The following CCDC171 variants were observed in gnomAD, a reference collection of about 807,000 sequenced individuals.
CCDC171 encodes the protein coiled-coil domain containing 171, also known as coiled-coil domain-containing protein 171.
CCDC171 carries 177 observed loss-of-function variants against 168.2 expected under a neutral mutation model. That is an observed-to-expected ratio of 1.05 (90% CI 0.93 to 1.19). The LOEUF (loss-of-function observed/expected upper bound fraction) is 1.19, where lower values mean the gene tolerates loss of function less well. Among genes scored for constraint, CCDC171 ranks in the 50% most tolerant of loss-of-function variants. The probability of loss-of-function intolerance (pLI) is 0.00; values close to 1 mark genes in which losing one functional copy is unlikely to be tolerated. For synonymous variants in CCDC171, 687 were observed against 540.8 expected (o/e 1.27, Z -3.75); for missense variants, 1,991 against 1,539.0 (o/e 1.29, Z -4.91).
chr9:16,008,274 A>C (rs1333595739), intron 3 of CCDC171, among the ~76,000 whole-genome samples: 1 of 152,154 alleles, frequency 6.6e-6, no homozygotes, highest in Admixed American at 6.5e-5. Flanking sequence ...GTAAGAGTTC[A>C]ATTTCAATCT....
In CCDC171 at chr9:15,914,072, G is replaced by A. The variant is rs371685910; in HGVS notation, c.3601-6198G>A. Among the ~76,000 whole-genome samples, 101 of 152,304 alleles carry A rather than the reference G, an allele frequency of 6.6e-4. 1 individual carries two copies. The highest frequency in any genetic ancestry group is 1.2e-3 in the African/African-American group (51 of 41,574). On this transcript the variant is annotated intron_variant, in intron 24 of 25. Transcript: ENST00000380701. The stretch of plus-strand genomic sequence containing the variant: ...CAGCCGGAGCGCTTGTATATGAGGC[G>A]TCTGTCAACCCCTGCTGGGAGTTGT...
intron 21 of CCDC171, among the ~76,000 whole-genome samples, chr9:15,828,116 A>G (rs186559018): frequency 2.6e-5 from 4 of 152,306 alleles, no homozygotes; most frequent in Admixed American, 6.5e-5. Context: ...GGGCAGGGGA[A>G]TCAGTTTGGG....
chr9:15,711,995 T>A (rs987400923), intron 11 of CCDC171, among the ~76,000 whole-genome samples: 3 of 152,182 alleles, frequency 2.0e-5, no homozygotes, highest in Non-Finnish European at 4.4e-5. Flanking sequence ...GCTGTATGGT[T>A]CTAGTCTGAG....
intron 6 of CCDC171, among the ~76,000 whole-genome samples, chr9:15,615,239 C>T (rs2043995399): frequency 6.6e-6 from 1 of 152,118 alleles, no homozygotes; most frequent in East Asian, 1.9e-4. Flanking sequence ...AATTCTAACT[C>T]AATGTAGTCA....
At chr9:15,953,927 G>A (rs1381980035) in intron 25 of CCDC171, among the ~76,000 whole-genome samples, 1 of 151,914 alleles carries the variant, frequency 6.6e-6, no homozygotes, top group African/African-American at 2.4e-5. Context: ...CTAGGGAATT[G>A]TCTGTTTCAT....
At chr9:16,002,444 A>T (rs926225298) in intron 3 of CCDC171, among the ~76,000 whole-genome samples, 8 of 152,078 alleles carry the variant, frequency 5.3e-5, no homozygotes, top group Non-Finnish European at 1.0e-4. Flanking sequence ...AATAGAAAAA[A>T]ACTTACAGAA....
intron 9 of CCDC171, among the ~76,000 whole-genome samples, chr9:15,674,463 T>C (rs1248423083): frequency 6.6e-6 from 1 of 152,224 alleles, no homozygotes; most frequent in Non-Finnish European, 1.5e-5. Flanking sequence ...GGGTGTCGAT[T>C]GTAGATCTTT....
the CCDC171 span, among the ~76,000 whole-genome samples, chr9:16,069,234 G>C: frequency 3.9e-5 from 6 of 152,370 alleles, no homozygotes; most frequent in Non-Finnish European, 8.8e-5. Context: ...AAAGCTCTGA[G>C]TGGCTTGGTA....
chr9:15,913,468 A>C (rs1361495443), intron 24 of CCDC171, among the ~76,000 whole-genome samples: 1 of 152,018 alleles, frequency 6.6e-6, no homozygotes, highest in East Asian at 1.9e-4. Context: ...GTTAATCTTT[A>C]CAAAAAAACA....
chr9:16,088,095 A>G, the CCDC171 span, among the ~76,000 whole-genome samples: 1 of 152,156 alleles, frequency 6.6e-6, no homozygotes, highest in African/African-American at 2.4e-5. Context: ...TGTAATCCAT[A>G]ACATAAACAG....
At chr9:15,698,851 T>C (rs977265941) in intron 11 of CCDC171, among the ~76,000 whole-genome samples, 3 of 152,226 alleles carry the variant, frequency 2.0e-5, no homozygotes, top group Non-Finnish European at 4.4e-5. Flanking sequence ...ATCTGGCTTA[T>C]ACCACATTTT....
At chr9:15,967,253 T>C (rs559112861) in intron 25 of CCDC171, among the ~76,000 whole-genome samples, 1 of 152,264 alleles carries the variant, frequency 6.6e-6, no homozygotes, top group African/African-American at 2.4e-5. Context: ...CACCCTCTTG[T>C]GGGTGCTTTG....
chr9:16,078,112 G>C, the CCDC171 span, among the ~76,000 whole-genome samples: 3 of 151,408 alleles, frequency 2.0e-5, no homozygotes, highest in Non-Finnish European at 4.4e-5. Context: ...ACAAAGGTGA[G>C]GGATATGTTA....
At chr9:15,833,289 G>A (rs1359280703) in intron 21 of CCDC171, among the ~76,000 whole-genome samples, 1 of 152,048 alleles carries the variant, frequency 6.6e-6, no homozygotes, top group Non-Finnish European at 1.5e-5. Context: ...ACCACACCCG[G>A]CCTCATTATG....
chr9:15,875,167 G>C (rs998362596), intron 24 of CCDC171: 2 of 151,922 alleles, frequency 1.3e-5, no homozygotes, highest in Non-Finnish European at 2.9e-5. Flanking sequence ...AAACTTATCT[G>C]TGTTTTCTAT....
intron 6 of CCDC171, among the ~76,000 whole-genome samples, chr9:15,599,407 A>G (rs1041933127): frequency 6.6e-6 from 1 of 152,078 alleles, no homozygotes; most frequent in Non-Finnish European, 1.5e-5. Context: ...TTCACTTATG[A>G]AGCTTAGTTT....
chr9:15,663,828 G>C (rs992442228), intron 8 of CCDC171, among the ~76,000 whole-genome samples: 1 of 151,936 alleles, frequency 6.6e-6, no homozygotes, highest in Admixed American at 6.6e-5. Flanking sequence ...GGATGGTCTC[G>C]ATCTCCTAAC....
At chr9:15,955,476 C>T (rs570955896) in intron 25 of CCDC171, among the ~76,000 whole-genome samples, 2 of 152,204 alleles carry the variant, frequency 1.3e-5, no homozygotes, top group Non-Finnish European at 2.9e-5. Flanking sequence ...TTTTTGCCTA[C>T]CCTGGCTCCT....
chr9:15,674,303 A>G (rs926244640), intron 9 of CCDC171, among the ~76,000 whole-genome samples: 5 of 152,128 alleles, frequency 3.3e-5, no homozygotes, highest in Non-Finnish European at 5.9e-5. Flanking sequence ...GATCTTTTCA[A>G]AAAACGAGCT....
Sources: allele counts gnomAD v4.1 joint callset (sites outside exome capture counted in the v4.1 genomes callset), GRCh38; gene constraint gnomAD v4.1.1; transcripts MANE v1.5; gene names NCBI Gene and HGNC (gene_info 2026-07-23, HGNC 2026-07-21).